RUNDC3B: variants seen among roughly 807,000 people sequenced by gnomAD.
RUNDC3B encodes the protein RUN domain containing 3B.
A neutral mutation model predicts 58.4 loss-of-function variants in RUNDC3B; 33 were observed. The observed-to-expected ratio is 0.56, with a 90% CI of 0.43 to 0.75. The LOEUF (loss-of-function observed/expected upper bound fraction) is 0.75. RUNDC3B is among the 30% of genes least tolerant of loss of function. The pLI is 0.00. For missense variants in RUNDC3B, 501 were observed against 535.7 expected, an observed-to-expected ratio of 0.94 and a Z score of 0.64; for synonymous variants, 193 against 195.2, an observed-to-expected ratio of 0.99 and a Z score of 0.10.
chr7:87,829,008 G>A (rs1837987898), intron 10 of RUNDC3B, among the ~76,000 whole-genome samples: 2 of 152,064 alleles, frequency 1.3e-5, no homozygotes, highest in Admixed American at 1.3e-4. Flanking sequence ...TAAAATAATA[G>A]CCATTGTGAC....
At chr7:87,823,366 A>AT (rs568789637) in intron 10 of RUNDC3B, among the ~76,000 whole-genome samples, 17 of 149,754 alleles carry the variant, frequency 1.1e-4, no homozygotes, top group Non-Finnish European at 2.5e-4. Flanking sequence ...ATGCAAAACT[A>AT]TTTTTTTTCT....
chr7:87,717,503 G>A (rs17160359), intron 4 of RUNDC3B, among the ~76,000 whole-genome samples: 1 of 151,892 alleles, frequency 6.6e-6, no homozygotes. Context: ...TATAATAAAA[G>A]GACAAGGAGG....
At chr7:87,648,879 A>G (rs1823290990) in intron 1 of RUNDC3B, among the ~76,000 whole-genome samples, 1 of 151,992 alleles carries the variant, frequency 6.6e-6, no homozygotes, top group Admixed American at 6.6e-5. Context: ...TATATTTAAA[A>G]TCTTTTAGTT....
intron 2 of RUNDC3B, among the ~76,000 whole-genome samples, chr7:87,671,526 T>C (rs1174124884): frequency 6.6e-6 from 1 of 152,048 alleles, no homozygotes; most frequent in Non-Finnish European, 1.5e-5. Context: ...TGCCTCGGAT[T>C]TTCTAGTACC....
chr7:87,632,041 A>G (rs1351992578), intron 1 of RUNDC3B, among the ~76,000 whole-genome samples: 2 of 151,966 alleles, frequency 1.3e-5, no homozygotes, highest in Admixed American at 1.3e-4. Context: ...AAACAAAAAT[A>G]TTTTGGACTG....
intron 1 of RUNDC3B, among the ~76,000 whole-genome samples, chr7:87,636,279 T>C (rs1821764412): frequency 6.6e-6 from 1 of 152,158 alleles, no homozygotes; most frequent in South Asian, 2.1e-4. Flanking sequence ...TGTATGTTTG[T>C]TGGGGTGTCA....
At chr7:87,795,022 T>C (rs1253899940) in intron 8 of RUNDC3B, among the ~76,000 whole-genome samples, 2 of 152,156 alleles carry the variant, frequency 1.3e-5, no homozygotes, top group Admixed American at 1.3e-4. Flanking sequence ...ATGAAGCTAC[T>C]ACAGGAAAAC....
chr7:87,778,483 G>T (rs1834769023), intron 8 of RUNDC3B, among the ~76,000 whole-genome samples: 1 of 149,970 alleles, frequency 6.7e-6, no homozygotes. Context: ...AATACAAGAA[G>T]AGAATAAAAA....
At position 87,810,384 on chromosome 7, in the gene RUNDC3B, C is replaced by A. The variant is rs527686061; in HGVS notation, c.1103+2865C>A. On this transcript the variant is annotated intron_variant, in intron 9 of 10. Coordinates refer to ENST00000394654, the MANE Select transcript of RUNDC3B (RefSeq NM_001134405.2). ...TAGCATGGTGTGATTAGTTTGCTGC[C>A]TAGGATTAGCTGAATCTCAGCTGTT... Among the ~76,000 whole-genome samples, 3 of 152,242 alleles carry A rather than the reference C, an allele frequency of 2.0e-5. No individual in the cohort carries two copies. The South Asian group carries it at 6.2e-4, about 32-fold the overall frequency.
At chr7:87,791,596 T>C (rs1835524826) in intron 8 of RUNDC3B, among the ~76,000 whole-genome samples, 1 of 152,120 alleles carries the variant, frequency 6.6e-6, no homozygotes, top group Non-Finnish European at 1.5e-5. Flanking sequence ...GTAGAGTGTT[T>C]ATTAGTTTTT....
intron 2 of RUNDC3B, among the ~76,000 whole-genome samples, chr7:87,661,534 G>T (rs1824715483): frequency 6.6e-6 from 1 of 151,576 alleles, no homozygotes; most frequent in South Asian, 2.1e-4. Context: ...GTCTTTCTGT[G>T]TCTGTCTTTT....
Position 87,654,455 on chromosome 7 carries a change from A to G in RUNDC3B, c.238+3518A>G, listed in dbSNP as rs776390804. ...CATTTCTGGTCTATTAATTTTCAAC[A>G]GAAGTGCCAAAACACACACTAGGGA... is the stretch of plus-strand genomic sequence containing the variant. On this transcript the variant is annotated intron_variant, in intron 2 of 10. Coordinates refer to ENST00000394654, the MANE Select transcript of RUNDC3B (RefSeq NM_001134405.2). Among the ~76,000 whole-genome samples the G allele has an allele frequency of 3.3e-5, 5 of 152,272 alleles. No individual in the cohort carries two copies. The East Asian group carries it at 9.6e-4, about 29-fold the overall frequency.
intron 8 of RUNDC3B, among the ~76,000 whole-genome samples, chr7:87,778,424 CAG>C (rs1467599785): frequency 2.4e-5 from 3 of 125,908 alleles, no homozygotes; most frequent in East Asian, 4.5e-4. Context: ...CTCTGGCTGA[CAG>C]AGCAAAACTC....
chr7:87,767,896 G>A (rs1834057721), intron 6 of RUNDC3B, among the ~76,000 whole-genome samples: 1 of 152,106 alleles, frequency 6.6e-6, no homozygotes, highest in African/African-American at 2.4e-5. Flanking sequence ...TTTATCTCTA[G>A]GCCACAATGC....
At chr7:87,788,905 G>T (rs1293999974) in intron 8 of RUNDC3B, among the ~76,000 whole-genome samples, 1 of 152,012 alleles carries the variant, frequency 6.6e-6, no homozygotes, top group Non-Finnish European at 1.5e-5. Context: ...TGTATACTTT[G>T]TACCTGAGAT....
At chr7:87,703,432 A>G in intron 3 of RUNDC3B, among the ~76,000 whole-genome samples, 1 of 152,204 alleles carries the variant, frequency 6.6e-6, no homozygotes, top group Non-Finnish European at 1.5e-5. Flanking sequence ...ATGAAAGTAC[A>G]CTTTTGGATA....
chr7:87,732,517 C>T (rs1343045043), intron 4 of RUNDC3B, among the ~76,000 whole-genome samples: 1 of 152,126 alleles, frequency 6.6e-6, no homozygotes, highest in Non-Finnish European at 1.5e-5. Flanking sequence ...AAGAAGGCCA[C>T]ATTGGGCACC....
intron 2 of RUNDC3B, among the ~76,000 whole-genome samples, chr7:87,691,978 G>C (rs192816444): frequency 2.2e-4 from 34 of 152,282 alleles, no homozygotes; most frequent in African/African-American, 7.9e-4. Flanking sequence ...GTTTGGTCCA[G>C]ATATTTCTGG....
chr7:87,822,258 AT>A (rs1339573072), intron 10 of RUNDC3B, among the ~76,000 whole-genome samples: 1 of 152,246 alleles, frequency 6.6e-6, no homozygotes, highest in African/African-American at 2.4e-5. Flanking sequence ...AAAAGAAGAC[AT>A]TTATGCAGCC....
Sources: gnomAD v4.1 joint callset for allele counts (sites outside exome capture counted in the v4.1 genomes callset) on GRCh38, gnomAD v4.1.1 for gene constraint, MANE v1.5 for transcripts, NCBI Gene and HGNC (gene_info 2026-07-23, HGNC 2026-07-21) for gene names.